The following ESYT2 variants were observed in gnomAD, a reference collection of about 807,000 sequenced individuals.
The protein encoded by ESYT2 is extended synaptotagmin 2.
A neutral mutation model predicts 107.2 loss-of-function variants in ESYT2; 54 were observed. The ratio of observed to expected loss-of-function variants is 0.50; its 90% CI spans 0.40 to 0.63. The LOEUF is 0.63. Among genes scored for constraint, ESYT2 ranks in the 30% least tolerant of loss-of-function variants. The probability of loss-of-function intolerance (pLI) is 0.00; values close to 1 mark genes in which losing one functional copy is unlikely to be tolerated. For synonymous variants in ESYT2, 491 were observed against 434.1 expected (o/e 1.13, Z -1.63); for missense variants, 1,020 against 1,094.5 (o/e 0.93, Z 0.96).
rs769674922 is a variant in ESYT2 at position 158,743,618 on chromosome 7, G to C, written c.1705C>G (p.Leu569Val). 6.2e-7 allele frequency: 1 copy of C among 1,613,760 alleles called. No homozygotes were observed. Among genetic ancestry groups the C allele is most frequent in the South Asian group, 1.1e-5 (1 of 91,038 alleles). Reference sequence around the variant, plus strand: ...CTCACAGTCATGTCCTCACTGGTGAGCAGCTGGCTGAGGGGGACCTTCAGG... The same window carrying C: ...CTCACAGTCATGTCCTCACTGGTGACCAGCTGGCTGAGGGGGACCTTCAGG... Reference protein sequence around the residue: ...GNLKVPLSQLLTSEDMTVSQR... With the variant: ...GNLKVPLSQLVTSEDMTVSQR... The change falls in exon 17 of 23, where the codon CTC becomes GTC. Residue 569 changes from leucine to valine, a missense_variant. Physicochemically the swap from Leu to Val is conservative, Grantham distance 32 (BLOSUM62 1). Coordinates refer to ENST00000275418, the MANE Select transcript of ESYT2 (RefSeq NM_001367773.1).
At chr7:158,749,532 T>C (rs1377966775) in intron 15 of ESYT2, 117 bp downstream of exon 15, 10 of 866,192 alleles carry the variant, frequency 1.2e-5, no homozygotes, top group Admixed American at 7.6e-5. Context: ...CTGGTCTCGA[T>C]GCCCACGCTA....
intron 6 of ESYT2, among the ~76,000 whole-genome samples, chr7:158,775,974 G>T (rs1181017716): frequency 3.3e-5 from 5 of 152,196 alleles, no homozygotes; most frequent in Non-Finnish European, 5.9e-5. Context: ...AATGGATGAG[G>T]TGTCAGCAGG....
intron 13 of ESYT2, among the ~76,000 whole-genome samples, chr7:158,756,199 C>G (rs1004708529): frequency 6.6e-6 from 1 of 152,098 alleles, no homozygotes; most frequent in African/African-American, 2.4e-5. Context: ...ACAACTGGGC[C>G]GTAAGAATCT....
intron 1 of ESYT2, among the ~76,000 whole-genome samples, chr7:158,806,919 T>C (rs754274764): frequency 1.3e-5 from 2 of 152,202 alleles, no homozygotes; most frequent in Non-Finnish European, 2.9e-5. Context: ...GATTAAAAGA[T>C]AGATGGGCAA....
At position 158,782,385 on chromosome 7, in the gene ESYT2, G is replaced by GGTGTGAGT. The variant is rs147060839; in HGVS notation, c.747+5618_747+5619insACTCACAC. Reference sequence around the variant, plus strand: ...GTGAACGAGTGTGAGAACAAAGTGAGGTAAGAACGAGAACAAGTGAGTGAA... The same window carrying GGTGTGAGT: ...GTGAACGAGTGTGAGAACAAAGTGAGGTGTGAGTGTAAGAACGAGAACAAGTGAGTGAA... On this transcript the variant is annotated intron_variant, in intron 6 of 22. Transcript: ENST00000275418. Among the ~76,000 whole-genome samples, 363 of 86,520 alleles carry GGTGTGAGT rather than the reference G, an allele frequency of 4.2e-3. 9 individuals are homozygous for GGTGTGAGT. The highest frequency in any genetic ancestry group is 0.012 in the African/African-American group (333 of 28,462). The allele number at this position is 86,520 out of a possible 152,430, so 56.8% of individuals were successfully genotyped here.
intron 3 of ESYT2, among the ~76,000 whole-genome samples, chr7:158,794,440 G>A (rs906156554): frequency 1.3e-5 from 2 of 152,232 alleles, no homozygotes; most frequent in Non-Finnish European, 2.9e-5. Flanking sequence ...GCTGCAGTGA[G>A]CTATGATTGT....
At chr7:158,767,162 G>C (rs1054144311) in intron 8 of ESYT2, among the ~76,000 whole-genome samples, 4 of 152,092 alleles carry the variant, frequency 2.6e-5, no homozygotes, top group Non-Finnish European at 4.4e-5. Context: ...TTTTATCCAG[G>C]GCAGCTGTTG....
intron 1 of ESYT2, among the ~76,000 whole-genome samples, chr7:158,816,751 A>G (rs1285867221): frequency 6.6e-6 from 1 of 152,206 alleles, no homozygotes; most frequent in East Asian, 1.9e-4. Flanking sequence ...TGCTTCACAC[A>G]CAGCACCATT....
intron 1 of ESYT2, among the ~76,000 whole-genome samples, chr7:158,805,002 G>A (rs934842068): frequency 2.0e-5 from 3 of 152,204 alleles, no homozygotes; most frequent in Non-Finnish European, 2.9e-5. Flanking sequence ...CAGTATTCCT[G>A]ACAGTGGACG....
At chr7:158,786,635 CTTAA>C (rs898809599) in intron 6 of ESYT2, among the ~76,000 whole-genome samples, 67 of 152,222 alleles carry the variant, frequency 4.4e-4, no homozygotes, top group African/African-American at 1.5e-3. Flanking sequence ...AGTGATGACA[CTTAA>C]TTCTTTTGTT....
At chr7:158,809,938 T>G (rs961902181) in intron 1 of ESYT2, among the ~76,000 whole-genome samples, 1 of 152,256 alleles carries the variant, frequency 6.6e-6, no homozygotes, top group Non-Finnish European at 1.5e-5. Context: ...TTTGAACCTA[T>G]TCTGGTTCAG....
rs1837904614 is a variant in ESYT2, at chr7:158,760,039, G to A, written c.1323+19C>T. The A allele has an allele frequency of 6.2e-7, 1 of 1,612,326 alleles. No individual in the cohort carries two copies. The highest frequency in any genetic ancestry group is 1.1e-5 in the South Asian group (1 of 91,036). On this transcript the variant is annotated intron_variant, in intron 12 of 22. Coordinates refer to ENST00000275418, the MANE Select transcript of ESYT2 (RefSeq NM_001367773.1). The stretch of plus-strand genomic sequence containing the variant: ...GTAGTTGGTTAGGTAGTTTTCAAGA[G>A]CACATGCTTCAACAGCACCTTGTCG...
Position 158,748,114 on chromosome 7 carries a change from G to A in ESYT2, c.1644+80C>T, listed in dbSNP as rs551768532. 6.6e-5 allele frequency: 86 copies of A among 1,300,134 alleles called. No homozygotes were observed. In the African/African-American group the frequency reaches 9.3e-4, roughly 14 times the overall value. 80.5% of individuals were successfully genotyped at this position (1,300,134 alleles called of 1,614,324 possible). On this transcript the variant is annotated intron_variant, in intron 16 of 22. Transcript: ENST00000275418. ...GCGATGGATCCCCAGGTGTATACAC[G>A]GGTCACAACTCAGCAAATTGTATAC...
chr7:158,737,171 A>G lies in ESYT2; in HGVS notation c.2276T>C (p.Ile759Thr), dbSNP rs753041016. Residue 759 changes from isoleucine (I) to threonine (T), a missense_variant, in exon 20 of 23, where the codon ATT (isoleucine) becomes ACT (threonine). By Grantham distance (89) the Ile-to-Thr change is moderately conservative. Transcript: ENST00000275418. ...IVVVHACRNLIAFSEDGSDPY... is the reference protein window; with the variant it reads ...IVVVHACRNLTAFSEDGSDPY... ...GTCAGAGCCGTCTTCAGAGAAGGCA[A>G]TGAGGTTTCTTACAACACAAACCAG... The G allele has an allele frequency of 3.7e-6, 6 of 1,613,734 alleles. No individual in the cohort carries two copies. The highest frequency in any genetic ancestry group is 4.2e-6 in the Non-Finnish European group (5 of 1,179,692).
chr7:158,756,336 C>T (rs917415901), intron 13 of ESYT2, among the ~76,000 whole-genome samples: 5 of 152,134 alleles, frequency 3.3e-5, no homozygotes, highest in Admixed American at 2.0e-4. Context: ...GTATCCAGTG[C>T]CAGACGGGCA....
intron 7 of ESYT2, among the ~76,000 whole-genome samples, chr7:158,770,014 T>A (rs1838298485): frequency 2.0e-5 from 3 of 152,058 alleles, no homozygotes; most frequent in Admixed American, 2.0e-4. Flanking sequence ...AACCTCCACC[T>A]CCCGAGTAGC....
At chr7:158,738,159 C>T (rs1304603841) in intron 19 of ESYT2, among the ~76,000 whole-genome samples, 2 of 151,940 alleles carry the variant, frequency 1.3e-5, no homozygotes, top group Non-Finnish European at 2.9e-5. Context: ...ACTAAAAATA[C>T]AAGTTAGTCG....
intron 6 of ESYT2, among the ~76,000 whole-genome samples, chr7:158,778,816 C>G (rs920812571): frequency 6.6e-6 from 1 of 151,608 alleles, no homozygotes; most frequent in African/African-American, 2.4e-5. Flanking sequence ...TATGTAAAAA[C>G]GACATCACAC....
At chr7:158,794,383 A>G (rs1415570790) in intron 3 of ESYT2, among the ~76,000 whole-genome samples, 2 of 152,200 alleles carry the variant, frequency 1.3e-5, no homozygotes, top group Admixed American at 1.3e-4. Context: ...GGTTCTAGCT[A>G]CTTAGGAGGC....
Sources: allele counts gnomAD v4.1 joint callset (sites outside exome capture counted in the v4.1 genomes callset), GRCh38; gene constraint gnomAD v4.1.1; transcripts MANE v1.5; gene names NCBI Gene and HGNC (gene_info 2026-07-23, HGNC 2026-07-21).